PSD2: variants seen among roughly 807,000 people sequenced by gnomAD.
PSD2 encodes the protein PH and SEC7 domain-containing protein 2.
In PSD2, 38 loss-of-function variants were observed where a neutral mutation model predicts 69.8. The observed-to-expected ratio is 0.54, with a 90% confidence interval of 0.42 to 0.71. The LOEUF (loss-of-function observed/expected upper bound fraction) is 0.71. Among genes scored for constraint, PSD2 ranks in the 30% least tolerant of loss-of-function variants. The pLI is 0.00. For missense variants in PSD2, 943 were observed against 1,014.5 expected (o/e 0.93, Z 0.96); for synonymous variants, 412 against 423.0 (o/e 0.97, Z 0.32).
the PSD2 span, among the ~76,000 whole-genome samples, chr5:139,750,610 T>G: frequency 6.6e-6 from 1 of 152,286 alleles, no homozygotes; most frequent in Non-Finnish European, 1.5e-5. Flanking sequence ...AGCACAAAGC[T>G]AGGTTTCCTC....
Position 139,811,959 on chromosome 5 carries a change from CT to C in PSD2, c.372-1349del, listed in dbSNP as rs1759979607. Among the ~76,000 whole-genome samples, 6 of 152,130 alleles carry C rather than the reference CT, an allele frequency of 3.9e-5. 1 individual carries two copies. The highest frequency in any genetic ancestry group is 3.9e-4 in the Admixed American group (6 of 15,266). On this transcript the variant is annotated intron_variant, in intron 2 of 14. Transcript: ENST00000274710. ...GTCCTCTCGTATCCCTTTCCTCTGT[CT>C]CTTTCTTGTCCCCTTCTAGTGGTCT...
Position 139,836,757 on chromosome 5 carries a change from G to A in PSD2, c.1404-54G>A, listed in dbSNP as rs546951958. On this transcript the variant is annotated intron_variant, in intron 9 of 14. Transcript: ENST00000274710. Reference sequence around the variant, plus strand: ...GAGGCTGGTGGGGAAAGGCCATGACGATGCGGGGCCGAGGCCTCCCTGGAG... The same window carrying A: ...GAGGCTGGTGGGGAAAGGCCATGACAATGCGGGGCCGAGGCCTCCCTGGAG... The A allele has an allele frequency of 2.7e-5, 41 of 1,529,860 alleles. No homozygotes were observed. The African/African-American group carries it at 3.3e-4, about 12-fold the overall frequency. 94.8% of individuals were successfully genotyped at this position (1,529,860 alleles called of 1,614,324 possible).
chr5:139,835,605 C>A, intron 8 of PSD2, 118 bp from the exon 9 acceptor site: 1 of 972,272 alleles, frequency 1.0e-6, no homozygotes, highest in Non-Finnish European at 1.6e-6. Flanking sequence ...AATCAAACAC[C>A]CACTTTGCCC....
At chr5:139,834,417 C>T (rs182856298) in intron 8 of PSD2, among the ~76,000 whole-genome samples, 8 of 151,944 alleles carry the variant, frequency 5.3e-5, no homozygotes, top group South Asian at 4.2e-4. Flanking sequence ...TCCCAAGTAG[C>T]TGGGACTATA....
the PSD2 span, among the ~76,000 whole-genome samples, chr5:139,751,790 CTTTTTT>C: frequency 6.6e-5 from 8 of 120,416 alleles, no homozygotes; most frequent in Admixed American, 5.0e-4. Context: ...AGGGTCCAGC[CTTTTTT>C]TTTTTTTTTT....
the PSD2 span, among the ~76,000 whole-genome samples, chr5:139,782,906 C>T: frequency 6.6e-6 from 1 of 152,100 alleles, no homozygotes; most frequent in Non-Finnish European, 1.5e-5. Flanking sequence ...TATTAGGTAC[C>T]CTCAAAATGT....
chr5:139,813,064 TC>T (rs1441900175), intron 2 of PSD2, among the ~76,000 whole-genome samples: 1 of 152,120 alleles, frequency 6.6e-6, no homozygotes, highest in Non-Finnish European at 1.5e-5. Flanking sequence ...TGAGGTGGCA[TC>T]TTTACTTGAG....
chr5:139,821,955 A>G lies in PSD2; in HGVS notation c.1160A>G (p.His387Arg), dbSNP rs745994849. Residue 387 changes from histidine (H) to arginine (R), a missense_variant, in exon 6 of 15, where the codon CAC (histidine) becomes CGC (arginine). Transcript: ENST00000274710. ...CAAGAGCGTGAGCGGGTCCTCACAC[A>G]CTTCTCCCGCCGGTACTGCCAGTGC... ...ETQERERVLT[H>R]FSRRYCQCNP... 6.2e-7 allele frequency: 1 copy of G among 1,609,868 alleles called. No homozygotes were observed.
At chr5:139,749,099 G>C in the PSD2 span, among the ~76,000 whole-genome samples, 1 of 152,142 alleles carries the variant, frequency 6.6e-6, no homozygotes, top group Non-Finnish European at 1.5e-5. Flanking sequence ...ACCGACCCCA[G>C]CTGGCTTCTC....
At chr5:139,766,338 T>C in the PSD2 span, among the ~76,000 whole-genome samples, 1 of 152,220 alleles carries the variant, frequency 6.6e-6, no homozygotes, top group Non-Finnish European at 1.5e-5. Context: ...TTGATGGACC[T>C]ACCCTTCGAT....
chr5:139,820,195 G>A lies in PSD2; in HGVS notation c.1098-1698G>A, dbSNP rs148988646. Among the ~76,000 whole-genome samples, 40 of 152,310 alleles carry A rather than the reference G, an allele frequency of 2.6e-4. No homozygotes were observed. In the East Asian group the frequency reaches 5.2e-3, roughly 20 times the overall value. ...TTTGGTGGTGGCGGCACGGGGTTGC[G>A]GCTTGGGGCAGAGTGTCCAGGGAAG... On this transcript the variant is annotated intron_variant, in intron 5 of 14. Coordinates refer to ENST00000274710, the MANE Select transcript of PSD2 (RefSeq NM_032289.4).
the PSD2 span, among the ~76,000 whole-genome samples, chr5:139,785,127 T>C: frequency 6.6e-6 from 1 of 152,118 alleles, no homozygotes; most frequent in African/African-American, 2.4e-5. Context: ...CTATTTAAAG[T>C]TGGAACACCT....
intron 1 of PSD2, among the ~76,000 whole-genome samples, chr5:139,804,274 G>C (rs1409026607): frequency 1.3e-5 from 2 of 152,102 alleles, no homozygotes; most frequent in African/African-American, 4.8e-5. Flanking sequence ...TTCAGGGTGG[G>C]TTTCCAGGGG....
At chr5:139,744,320 T>C in the PSD2 span, among the ~76,000 whole-genome samples, 902 of 152,266 alleles carry the variant, frequency 5.9e-3, 11 homozygotes, top group African/African-American at 0.021. Flanking sequence ...TGGTCTCCAC[T>C]CCTCCAATCC....
the PSD2 span, among the ~76,000 whole-genome samples, chr5:139,760,441 T>C: frequency 6.6e-6 from 1 of 152,174 alleles, no homozygotes; most frequent in Admixed American, 6.5e-5. Flanking sequence ...CTTCCTGTTC[T>C]GTCAGGGTCC....
upstream of PSD2, among the ~76,000 whole-genome samples, chr5:139,793,062 C>T (rs1199503011): frequency 2.6e-5 from 4 of 152,052 alleles, no homozygotes; most frequent in African/African-American, 7.2e-5. Flanking sequence ...ATTCTCTTGC[C>T]TCCGGAGTAG....
chr5:139,766,933 C>T, the PSD2 span, among the ~76,000 whole-genome samples: 2 of 51,022 alleles, frequency 3.9e-5, no homozygotes, highest in African/African-American at 1.7e-4. Flanking sequence ...TCCTTCCCTT[C>T]TTTCTTTCTT....
chr5:139,822,356 A>T (rs1379618044), intron 6 of PSD2, among the ~76,000 whole-genome samples: 1 of 152,198 alleles, frequency 6.6e-6, no homozygotes, highest in Non-Finnish European at 1.5e-5. Flanking sequence ...GACTTGCCCA[A>T]TAGATGGGCC....
the PSD2 span, among the ~76,000 whole-genome samples, chr5:139,765,622 C>T: frequency 6.6e-6 from 1 of 152,264 alleles, no homozygotes; most frequent in South Asian, 2.1e-4. Flanking sequence ...GCAGTGCTCG[C>T]AGCGGCCAGG....
Sources: allele counts gnomAD v4.1 joint callset (sites outside exome capture counted in the v4.1 genomes callset), GRCh38; gene constraint gnomAD v4.1.1; transcripts MANE v1.5; gene names NCBI Gene and HGNC (gene_info 2026-07-23, HGNC 2026-07-21).